DGKB: variants seen among roughly 807,000 people sequenced by gnomAD.
DGKB encodes diacylglycerol kinase beta, also known as 90 kDa diacylglycerol kinase.
In DGKB, 67 loss-of-function variants were observed where a neutral mutation model predicts 114.3. That is an observed-to-expected ratio of 0.59 (90% CI 0.48 to 0.72). DGKB has a LOEUF of 0.72. Ranked by LOEUF, DGKB falls within the 30% of genes least tolerant of loss-of-function variation. The pLI is 0.00. For missense variants in DGKB, 907 were observed against 975.2 expected (o/e 0.93, Z 0.93); for synonymous variants, 398 against 323.1 (o/e 1.23, Z -2.49).
At position 14,793,027 on chromosome 7, in the gene DGKB, T is replaced by C. The variant is rs111783854; in HGVS notation, c.71-35296A>G. ...ATATACACAGACAAAAAAAGTCGTC[T>C]GAGGCAAAATCACCAAATGAGATTT... On this transcript the variant is annotated intron_variant, in intron 2 of 25. Coordinates refer to ENST00000402815, the MANE Select transcript of DGKB (RefSeq NM_001350709.2). Among the ~76,000 whole-genome samples, 1,420 of 152,222 alleles carry C rather than the reference T, an allele frequency of 9.3e-3. 20 individuals carry two copies. The highest frequency in any genetic ancestry group is 0.033 in the African/African-American group (1,372 of 41,532).
At chr7:14,447,727 T>C (rs1830917468) in intron 21 of DGKB, among the ~76,000 whole-genome samples, 1 of 152,094 alleles carries the variant, frequency 6.6e-6, no homozygotes, top group African/African-American at 2.4e-5. Context: ...CCTGTGATAA[T>C]AATCATACAG....
intron 20 of DGKB, among the ~76,000 whole-genome samples, chr7:14,562,323 G>A (rs1796781716): frequency 6.6e-6 from 1 of 152,234 alleles, no homozygotes; most frequent in Non-Finnish European, 1.5e-5. Flanking sequence ...GCATGCAGAA[G>A]TGCATAAGGG....
intron 1 of DGKB, among the ~76,000 whole-genome samples, chr7:14,881,849 G>T (rs1264042221): frequency 6.6e-6 from 1 of 151,972 alleles, no homozygotes; most frequent in Non-Finnish European, 1.5e-5. Context: ...TAACCTAAAG[G>T]TTAGTATATA....
At chr7:14,621,036 AT>A (rs1462493477) in intron 15 of DGKB, 1 of 159,922 alleles carries the variant, frequency 6.3e-6, no homozygotes, top group Non-Finnish European at 1.4e-5. Context: ...CATACTAAAT[AT>A]AAATATATAG....
intron 21 of DGKB, among the ~76,000 whole-genome samples, chr7:14,459,872 A>G (rs1584106800): frequency 6.6e-6 from 1 of 152,312 alleles, no homozygotes; most frequent in Non-Finnish European, 1.5e-5. Flanking sequence ...CCACAAAGGG[A>G]ACCCTATCAG....
At chr7:14,568,378 T>G (rs1208445421) in intron 20 of DGKB, among the ~76,000 whole-genome samples, 1 of 152,184 alleles carries the variant, frequency 6.6e-6, no homozygotes, top group East Asian at 1.9e-4. Flanking sequence ...CCTTTCTACC[T>G]AGGCAGACAA....
chr7:14,783,369 T>C (rs1013953455), intron 2 of DGKB, among the ~76,000 whole-genome samples: 2 of 152,198 alleles, frequency 1.3e-5, no homozygotes, highest in Non-Finnish European at 2.9e-5. Context: ...AAATATGTAC[T>C]CCTGAATTAC....
At chr7:14,840,699 A>AACACACACACACACAC (rs57577998) in intron 2 of DGKB, among the ~76,000 whole-genome samples, 2 of 130,190 alleles carry the variant, frequency 1.5e-5, no homozygotes, top group Non-Finnish European at 1.7e-5. Flanking sequence ...ACTCTCTTTT[A>AACACACACACACACAC]ACACACACAC....
chr7:14,267,447 CATGAGTTGT>C (rs1797673768), intron 23 of DGKB, among the ~76,000 whole-genome samples: 1 of 151,746 alleles, frequency 6.6e-6, no homozygotes, highest in African/African-American at 2.4e-5. Flanking sequence ...CCCAGAAAAC[CATGAGTTGT>C]AATAAGTGCT....
At chr7:14,570,719 G>C (rs113411771) in intron 20 of DGKB, among the ~76,000 whole-genome samples, 16 of 152,040 alleles carry the variant, frequency 1.1e-4, no homozygotes, top group African/African-American at 3.4e-4. Context: ...GTAAGTTAAA[G>C]GGGAGGAAGA....
intron 2 of DGKB, among the ~76,000 whole-genome samples, chr7:14,838,939 A>G (rs777371071): frequency 2.6e-5 from 4 of 152,040 alleles, no homozygotes; most frequent in Admixed American, 6.6e-5. Flanking sequence ...CTTTTTATCC[A>G]TATCATTTCC....
intron 2 of DGKB, among the ~76,000 whole-genome samples, chr7:14,772,051 C>T (rs766138125): frequency 1.3e-5 from 2 of 152,102 alleles, no homozygotes; most frequent in Non-Finnish European, 2.9e-5. Context: ...AGCCTAGAAG[C>T]CCCCGGCTTT....
chr7:14,896,218 T>C (rs1308041917), intron 1 of DGKB, among the ~76,000 whole-genome samples: 1 of 151,702 alleles, frequency 6.6e-6, no homozygotes, highest in African/African-American at 2.4e-5. Context: ...TATGACTATG[T>C]TTTCAGAAGA....
intron 25 of DGKB, among the ~76,000 whole-genome samples, chr7:14,150,863 C>T (rs1437731590): frequency 6.6e-6 from 1 of 152,054 alleles, no homozygotes; most frequent in Non-Finnish European, 1.5e-5. Flanking sequence ...ATCATTTATT[C>T]ATTTCACAAA....
chr7:14,673,851 T>C (rs2128951050), intron 12 of DGKB, among the ~76,000 whole-genome samples: 1 of 152,222 alleles, frequency 6.6e-6, no homozygotes, highest in Admixed American at 6.6e-5. Context: ...TGCATTAATT[T>C]GATATGAACT....
At chr7:14,321,732 T>C (rs1393385516) in intron 23 of DGKB, among the ~76,000 whole-genome samples, 1 of 152,068 alleles carries the variant, frequency 6.6e-6, no homozygotes, top group Non-Finnish European at 1.5e-5. Flanking sequence ...TGATAAGTGA[T>C]TTTAGAAAGC....
At chr7:14,202,306 T>C (rs1786022298) in intron 23 of DGKB, among the ~76,000 whole-genome samples, 1 of 152,032 alleles carries the variant, frequency 6.6e-6, no homozygotes, top group African/African-American at 2.4e-5. Context: ...TTGCTCACAG[T>C]AATTCAGCAG....
At chr7:14,546,354 G>A (rs1020871730) in intron 20 of DGKB, among the ~76,000 whole-genome samples, 1 of 151,926 alleles carries the variant, frequency 6.6e-6, no homozygotes, top group Non-Finnish European at 1.5e-5. Flanking sequence ...TATTCCCTGT[G>A]GCTCAAGTAG....
intron 12 of DGKB, among the ~76,000 whole-genome samples, chr7:14,681,755 A>G (rs1820873995): frequency 6.6e-6 from 1 of 152,100 alleles, no homozygotes; most frequent in South Asian, 2.1e-4. Context: ...AGTACCATCT[A>G]ACAACTGCAT....
Sources: allele counts gnomAD v4.1 joint callset (sites outside exome capture counted in the v4.1 genomes callset), GRCh38; gene constraint gnomAD v4.1.1; transcripts MANE v1.5; gene names NCBI Gene and HGNC (gene_info 2026-07-23, HGNC 2026-07-21).